The following CNTNAP5 variants were observed in gnomAD, a reference collection of about 807,000 sequenced individuals.
CNTNAP5 encodes the protein contactin associated protein family member 5, also known as contactin-associated protein-like 5.
CNTNAP5 carries 72 observed loss-of-function variants against 150.2 expected under a neutral mutation model. The observed-to-expected ratio is 0.48, with a 90% CI of 0.40 to 0.58. CNTNAP5 has a LOEUF of 0.58. CNTNAP5 is among the 20% of genes least tolerant of loss of function. The pLI is 0.00. For synonymous variants in CNTNAP5, 672 were observed against 619.8 expected (o/e 1.08, Z -1.25); for missense variants, 1,636 against 1,626.2 (o/e 1.01, Z -0.10).
At chr2:124,848,692 C>T (rs1443222540) in intron 19 of CNTNAP5, among the ~76,000 whole-genome samples, 4 of 152,152 alleles carry the variant, frequency 2.6e-5, no homozygotes, top group African/African-American at 9.7e-5. Context: ...TAATAACCAT[C>T]CTAACAGGTG....
At chr2:124,626,680 G>A (rs948442648) in intron 12 of CNTNAP5, among the ~76,000 whole-genome samples, 4 of 152,224 alleles carry the variant, frequency 2.6e-5, no homozygotes, top group Middle Eastern at 3.4e-3. Flanking sequence ...ATACATCGGG[G>A]GTGCCTTGAG....
intron 3 of CNTNAP5, among the ~76,000 whole-genome samples, chr2:124,282,965 C>T (rs1198621937): frequency 6.6e-6 from 1 of 151,586 alleles, no homozygotes; most frequent in Non-Finnish European, 1.5e-5. Flanking sequence ...GGGGCTCAAA[C>T]CCAGGCCTCC....
In CNTNAP5 at chr2:124,647,738, G is replaced by A. The variant is rs1678233794; in HGVS notation, c.1877-20G>A. 1.3e-6 allele frequency: 2 copies of A among 1,567,228 alleles called. No homozygotes were observed. The highest frequency in any genetic ancestry group is 1.7e-6 in the Non-Finnish European group (2 of 1,150,800). On this transcript the variant is annotated intron_variant, in intron 12 of 23. Coordinates refer to ENST00000682447, the MANE Select transcript of CNTNAP5 (RefSeq NM_001367498.1). ...CATTGCTTCTAACGTCTCTTGCTTT[G>A]TGTTGTGTTGTCTGGGCAGAGGACA...
At chr2:124,573,435 C>G (rs1333446807) in intron 11 of CNTNAP5, among the ~76,000 whole-genome samples, 1 of 152,182 alleles carries the variant, frequency 6.6e-6, no homozygotes, top group Non-Finnish European at 1.5e-5. Context: ...CAAATATTTA[C>G]ACTGGGTTGA....
intron 13 of CNTNAP5, among the ~76,000 whole-genome samples, chr2:124,718,074 C>T (rs765563456): frequency 6.6e-6 from 1 of 152,094 alleles, no homozygotes. Flanking sequence ...ACATTTCTTT[C>T]TAGAAAATAA....
intron 3 of CNTNAP5, among the ~76,000 whole-genome samples, chr2:124,338,084 C>T (rs1689522232): frequency 6.6e-6 from 1 of 151,998 alleles, no homozygotes; most frequent in Non-Finnish European, 1.5e-5. Flanking sequence ...TCCTTCACAT[C>T]CCTTGTAAGT....
At chr2:124,357,547 C>T (rs550177046) in intron 3 of CNTNAP5, among the ~76,000 whole-genome samples, 4 of 151,824 alleles carry the variant, frequency 2.6e-5, no homozygotes, top group South Asian at 2.1e-4. Context: ...TTCCCAGCAC[C>T]GTTTATTAAA....
At chr2:124,880,947 G>A (rs984268327) in intron 21 of CNTNAP5, among the ~76,000 whole-genome samples, 3 of 152,110 alleles carry the variant, frequency 2.0e-5, no homozygotes, top group African/African-American at 2.4e-5. Flanking sequence ...TTCCAGGAAG[G>A]AGGAATGGTG....
At chr2:124,255,582 AATAAT>A (rs1687292232) in intron 3 of CNTNAP5, among the ~76,000 whole-genome samples, 2 of 44,962 alleles carry the variant, frequency 4.4e-5, no homozygotes, top group African/African-American at 1.6e-4. Flanking sequence ...AATAAAATAA[AATAAT>A]AATTTTTTTT....
chr2:124,051,652 G>T (rs1235318549), intron 1 of CNTNAP5, among the ~76,000 whole-genome samples: 1 of 152,192 alleles, frequency 6.6e-6, no homozygotes, highest in Admixed American at 6.5e-5. Flanking sequence ...GGCTTACATA[G>T]ATTTGAAGTT....
intron 3 of CNTNAP5, among the ~76,000 whole-genome samples, chr2:124,336,178 G>C (rs1351919243): frequency 6.6e-6 from 1 of 152,096 alleles, no homozygotes; most frequent in East Asian, 1.9e-4. Context: ...ACAGATAATA[G>C]CTTGGACCAA....
intron 7 of CNTNAP5, among the ~76,000 whole-genome samples, chr2:124,482,392 C>T (rs1693780592): frequency 6.6e-6 from 1 of 152,174 alleles, no homozygotes; most frequent in East Asian, 1.9e-4. Flanking sequence ...ATATTAGTGG[C>T]TGTGCCTTTC....
chr2:124,244,983 G>T (rs1035911792), intron 3 of CNTNAP5, among the ~76,000 whole-genome samples: 1 of 152,098 alleles, frequency 6.6e-6, no homozygotes, highest in African/African-American at 2.4e-5. Context: ...AAATATAGTT[G>T]GTTGCAAAAC....
At chr2:124,326,748 A>T (rs1395040902) in intron 3 of CNTNAP5, among the ~76,000 whole-genome samples, 1 of 151,938 alleles carries the variant, frequency 6.6e-6, no homozygotes, top group Non-Finnish European at 1.5e-5. Flanking sequence ...AACATGGCGA[A>T]CCCCCATCTT....
At chr2:124,518,994 CA>C (rs35578704) in intron 8 of CNTNAP5, among the ~76,000 whole-genome samples, 1,706 of 48,062 alleles carry the variant, frequency 0.035, 9 homozygotes, top group Middle Eastern at 0.11. Context: ...GCCTGGGCCG[CA>C]AAAAAAAAAA....
intron 1 of CNTNAP5, chr2:124,135,146 T>C (rs1411994696): frequency 1.3e-5 from 2 of 152,188 alleles, no homozygotes; most frequent in African/African-American, 4.8e-5. Flanking sequence ...CCTGAAAGAC[T>C]CAAACACTGT....
intron 3 of CNTNAP5, among the ~76,000 whole-genome samples, chr2:124,324,132 T>C (rs1689162904): frequency 6.6e-6 from 1 of 152,224 alleles, no homozygotes. Context: ...GGATGTAGCG[T>C]GAACCAGACA....
chr2:124,706,806 G>A (rs1423534934), intron 13 of CNTNAP5, among the ~76,000 whole-genome samples: 7 of 11,450 alleles, frequency 6.1e-4, no homozygotes, highest in African/African-American at 1.1e-3. Flanking sequence ...AGGAGGAGGA[G>A]GAGGAGGAGG....
At chr2:124,434,147 T>C (rs534407076) in intron 4 of CNTNAP5, among the ~76,000 whole-genome samples, 1 of 152,134 alleles carries the variant, frequency 6.6e-6, no homozygotes, top group Non-Finnish European at 1.5e-5. Context: ...TCAAGAGAGA[T>C]TATTCTAAGC....
Sources: gnomAD v4.1 joint callset for allele counts (sites outside exome capture counted in the v4.1 genomes callset) on GRCh38, gnomAD v4.1.1 for gene constraint, MANE v1.5 for transcripts, NCBI Gene and HGNC (gene_info 2026-07-23, HGNC 2026-07-21) for gene names.